The following MRRF variants were observed in gnomAD, a reference collection of about 807,000 sequenced individuals.
MRRF encodes the protein mitochondrial ribosome recycling factor, also known as ribosome-recycling factor, mitochondrial.
MRRF carries 18 observed loss-of-function variants against 25.1 expected under a neutral mutation model. The observed-to-expected ratio is 0.72, with a 90% CI of 0.50 to 1.06. The LOEUF is 1.06. Ranked by LOEUF, MRRF falls within the 50% of genes least tolerant of loss-of-function variation. The probability of loss-of-function intolerance (pLI) is 0.00; values close to 1 mark genes in which losing one functional copy is unlikely to be tolerated. For synonymous variants in MRRF, 113 were observed against 112.1 expected (o/e 1.01, Z -0.05); for missense variants, 323 against 319.3 (o/e 1.01, Z -0.09).
Position 122,272,589 on chromosome 9 carries a change from G to A in MRRF, c.184+1514G>A, listed in dbSNP as rs115043414. Among the ~76,000 whole-genome samples, 789 of 152,204 alleles carry A rather than the reference G, an allele frequency of 5.2e-3. 5 individuals are homozygous for A. The highest frequency in any genetic ancestry group is 0.018 in the African/African-American group (767 of 41,536). ...CTGAAGTGGAAGGATGGCTTGAGGT[G>A]AGGAGTTTGAGGCTGCAGAAGTTGG... On this transcript the variant is annotated intron_variant, in intron 2 of 6. Transcript: ENST00000344641.
At chr9:122,285,130 G>T in intron 3 of MRRF, 39 bp from the exon 4 acceptor site, 1 of 1,345,028 alleles carries the variant, frequency 7.4e-7, no homozygotes, top group South Asian at 1.2e-5. Flanking sequence ...GGCTACTAAG[G>T]TTCTTTGGAA....
At chr9:122,314,677 G>C (rs1000887311) in intron 6 of MRRF, among the ~76,000 whole-genome samples, 1 of 152,118 alleles carries the variant, frequency 6.6e-6, no homozygotes, top group Non-Finnish European at 1.5e-5. Flanking sequence ...GATGGAGAGA[G>C]CACATCTATG....
At chr9:122,282,364 T>C (rs953055516) in intron 3 of MRRF, among the ~76,000 whole-genome samples, 4 of 152,248 alleles carry the variant, frequency 2.6e-5, no homozygotes, top group African/African-American at 9.6e-5. Flanking sequence ...CAAAGCATTA[T>C]TGAGCACTTT....
intron 5 of MRRF, among the ~76,000 whole-genome samples, chr9:122,297,844 G>A (rs765210088): frequency 6.6e-6 from 1 of 152,182 alleles, no homozygotes; most frequent in Non-Finnish European, 1.5e-5. Flanking sequence ...ACACCCAAGT[G>A]ACCCCTCTGT....
chr9:122,274,296 C>T, intron 2 of MRRF, among the ~76,000 whole-genome samples: 1 of 152,184 alleles, frequency 6.6e-6, no homozygotes, highest in East Asian at 1.9e-4. Context: ...AAAACAGACA[C>T]ATAGACTGTG....
At chr9:122,294,674 C>G (rs538218284) in intron 5 of MRRF, among the ~76,000 whole-genome samples, 2 of 152,110 alleles carry the variant, frequency 1.3e-5, no homozygotes, top group African/African-American at 4.8e-5. Context: ...GTAAGAGGAT[C>G]GAGGTTTTTA....
At chr9:122,318,732 G>A (rs1231045093) in intron 6 of MRRF, among the ~76,000 whole-genome samples, 1 of 152,178 alleles carries the variant, frequency 6.6e-6, no homozygotes, top group East Asian at 1.9e-4. Context: ...TGTTGGCAAG[G>A]GTTCTTGCTT....
At chr9:122,270,200 G>A (rs1832362604) in intron 1 of MRRF, among the ~76,000 whole-genome samples, 1 of 152,244 alleles carries the variant, frequency 6.6e-6, no homozygotes. Context: ...TCTATCCTGA[G>A]GTAGTTGTAG....
chr9:122,307,828 G>A (rs1346768189), intron 5 of MRRF, among the ~76,000 whole-genome samples: 1 of 152,164 alleles, frequency 6.6e-6, no homozygotes, highest in African/African-American at 2.4e-5. Context: ...AGTGTCCAAA[G>A]AGCCTTCTGA....
intron 5 of MRRF, among the ~76,000 whole-genome samples, chr9:122,305,052 C>T (rs942955325): frequency 1.3e-5 from 2 of 152,012 alleles, no homozygotes; most frequent in African/African-American, 4.8e-5. Context: ...AAGGATCTTC[C>T]GGCCTCAGCC....
At chr9:122,300,820 A>T (rs1002981273) in intron 5 of MRRF, among the ~76,000 whole-genome samples, 14 of 152,198 alleles carry the variant, frequency 9.2e-5, no homozygotes, top group African/African-American at 3.4e-4. Context: ...TTGATTGTTA[A>T]TAAGCACTTG....
rs926633654 is a variant in MRRF at position 122,330,976 on chromosome 9, A to C, written c.*8359A>C. The C allele has an allele frequency of 2.0e-5, 3 of 152,212 alleles. No homozygotes were observed. Among genetic ancestry groups the C allele is most frequent in the African/African-American group, 7.2e-5 (3 of 41,426 alleles). 9.4% of individuals were successfully genotyped at this position (152,212 alleles called of 1,614,324 possible). A position where few individuals can be genotyped will look rare whatever the true frequency, so the allele number is the denominator to read the frequency against. On this transcript the variant is annotated 3_prime_UTR_variant, in exon 7 of 7. Coordinates refer to ENST00000344641, the MANE Select transcript of MRRF (RefSeq NM_138777.5). This position sits in a 1 kb window ranked among gnomAD's most constrained non-coding sequence, Gnocchi z 4.2. Reference sequence around the variant, plus strand: ...TCAGGGAGTCTGTTGTCTGACCCGCAACTAGGCAGCCTCATACATTATTTT... The same window carrying C: ...TCAGGGAGTCTGTTGTCTGACCCGCCACTAGGCAGCCTCATACATTATTTT...
chr9:122,286,194 C>T (rs569195070), intron 4 of MRRF: 3 of 1,288,148 alleles, frequency 2.3e-6, no homozygotes, highest in East Asian at 5.6e-5. Flanking sequence ...TTCTTATTGT[C>T]TATTTCAGTA....
chr9:122,297,511 T>C (rs897199612), intron 5 of MRRF, among the ~76,000 whole-genome samples: 1 of 152,200 alleles, frequency 6.6e-6, no homozygotes, highest in Non-Finnish European at 1.5e-5. Context: ...CTCTCTGTTA[T>C]GAGAATTCTT....
intron 1 of MRRF, chr9:122,265,900 A>G (rs1408538974): frequency 6.1e-6 from 3 of 491,124 alleles, no homozygotes; most frequent in Non-Finnish European, 1.1e-5. Context: ...GTATAGTCAG[A>G]TACTACAAGT....
chr9:122,267,916 A>T (rs746062660), intron 1 of MRRF, among the ~76,000 whole-genome samples: 44 of 151,948 alleles, frequency 2.9e-4, no homozygotes, highest in Non-Finnish European at 5.0e-4. Flanking sequence ...AGGCTAAATG[A>T]CCTCCCCAAG....
At position 122,325,720 on chromosome 9, in the gene MRRF, TAAAAA is replaced by T. The variant is rs947548623; in HGVS notation, c.*3109_*3113del. On this transcript the variant is annotated 3_prime_UTR_variant, in exon 7 of 7. Transcript: ENST00000344641. Reference sequence around the variant, plus strand: ...CAAAATAAGTTGGAATGCAGAAAGTTAAAAAAAAAATCTCACCAGGCCCTACTCCT... The same window carrying T: ...CAAAATAAGTTGGAATGCAGAAAGTTAAAAATCTCACCAGGCCCTACTCCT... 7.1e-6 allele frequency: 1 copy of T among 139,868 alleles called. No homozygotes were observed. Among genetic ancestry groups the T allele is most frequent in the African/African-American group, 2.7e-5 (1 of 37,174 alleles). The allele number at this position is 139,868 out of a possible 1,614,324, so 8.7% of individuals were successfully genotyped here. A position where few individuals can be genotyped will look rare whatever the true frequency, so the allele number is the denominator to read the frequency against.
At chr9:122,305,097 A>C (rs1834749812) in intron 5 of MRRF, among the ~76,000 whole-genome samples, 1 of 152,038 alleles carries the variant, frequency 6.6e-6, no homozygotes, top group Non-Finnish European at 1.5e-5. Context: ...ATGCCCCACT[A>C]TGCCCAGCTA....
Position 122,270,931 on chromosome 9 carries a change from A to T in MRRF, c.40A>T (p.Thr14Ser). ...GLKCFRMVHP[T>S]FRNYLAASIR... is the part of the protein sequence containing the mutation. ...AAAGTGCTTCCGCATGGTCCACCCT[A>T]CCTTTCGCAATTATCTTGCAGCCTC... is the stretch of plus-strand genomic sequence containing the variant. Residue 14 changes from threonine to serine, a missense_variant, in exon 2 of 7, where the codon ACC becomes TCC. Thr to Ser is a moderately conservative substitution (Grantham distance 58). Transcript: ENST00000344641. The T allele has an allele frequency of 1.9e-6, 3 of 1,614,138 alleles. No individual in the cohort carries two copies. The highest frequency in any genetic ancestry group is 2.5e-6 in the Non-Finnish European group (3 of 1,180,016).
Sources: allele counts gnomAD v4.1 joint callset (sites outside exome capture counted in the v4.1 genomes callset), GRCh38; gene constraint gnomAD v4.1.1; non-coding constraint Gnocchi (gnomAD v3.1); transcripts MANE v1.5; gene names NCBI Gene and HGNC (gene_info 2026-07-23, HGNC 2026-07-21).